CCND2: variants seen among roughly 807,000 people sequenced by gnomAD.
The protein encoded by CCND2 is G1/S-specific cyclin-D2.
A neutral mutation model predicts 30.2 loss-of-function variants in CCND2; 6 were observed. The observed-to-expected ratio is 0.20, with a 90% CI of 0.11 to 0.39. The LOEUF (loss-of-function observed/expected upper bound fraction) is 0.39. CCND2 is among the 10% of genes least tolerant of loss of function. The pLI is 1.00. For synonymous variants in CCND2, 150 were observed against 153.1 expected (o/e 0.98, Z 0.15); for missense variants, 235 against 373.4 (o/e 0.63, Z 3.06).
In CCND2 at chr12:4,299,086, G is replaced by T. The variant is rs375789044; in HGVS notation, c.721-774G>T. Among the ~76,000 whole-genome samples, 26 of 152,306 alleles carry T rather than the reference G, an allele frequency of 1.7e-4. No homozygotes were observed. The highest frequency in any genetic ancestry group is 6.0e-4 in the African/African-American group (25 of 41,544). Reference sequence around the variant, plus strand: ...TTTTTTTTTAAGTATTTACAGTGAGGCGCGGTGGCTCATGCCTGTAATCCC... The same window carrying T: ...TTTTTTTTTAAGTATTTACAGTGAGTCGCGGTGGCTCATGCCTGTAATCCC... On this transcript the variant is annotated intron_variant, in intron 4 of 4. Coordinates refer to ENST00000261254, the MANE Select transcript of CCND2 (RefSeq NM_001759.4). This position sits in a 1 kb window ranked among gnomAD's most constrained non-coding sequence, Gnocchi z 5.2.
At chr12:4,280,566 G>A (rs941618718) in intron 3 of CCND2, among the ~76,000 whole-genome samples, 1 of 152,084 alleles carries the variant, frequency 6.6e-6, no homozygotes, top group Non-Finnish European at 1.5e-5. Context: ...TTGGATAGTG[G>A]TCACTCTGGC....
chr12:4,294,198 C>G (rs1864136127), intron 4 of CCND2, among the ~76,000 whole-genome samples: 1 of 151,282 alleles, frequency 6.6e-6, no homozygotes, highest in Admixed American at 6.6e-5. Context: ...AGCCAGCAAG[C>G]AGAGGAAGTC....
intron 2 of CCND2, among the ~76,000 whole-genome samples, chr12:4,277,463 C>T (rs1291535262): frequency 6.6e-6 from 1 of 152,184 alleles, no homozygotes; most frequent in South Asian, 2.1e-4. Context: ...AATTGGGAAC[C>T]AATTTGTTTT....
At chr12:4,288,643 T>C (rs1316879521) in intron 3 of CCND2, among the ~76,000 whole-genome samples, 199 bp from the exon 4 acceptor site, 2 of 152,186 alleles carry the variant, frequency 1.3e-5, no homozygotes, top group African/African-American at 4.8e-5. Flanking sequence ...TCTCCTTCGT[T>C]TAATCTGGAA....
chr12:4,289,198 C>G, intron 4 of CCND2: 1 of 150,694 alleles, frequency 6.6e-6, no homozygotes, highest in South Asian at 1.6e-4. Flanking sequence ...GAAAACTCAG[C>G]AAGCAGATGA....
At chr12:4,290,273 G>T (rs1248696556) in intron 4 of CCND2, among the ~76,000 whole-genome samples, 1 of 152,168 alleles carries the variant, frequency 6.6e-6, no homozygotes, top group African/African-American at 2.4e-5. Flanking sequence ...AGCAAATCCG[G>T]GGTCCTCCTC....
chr12:4,285,142 C>T lies in CCND2; in HGVS notation c.572-3700C>T, dbSNP rs963879685. 7 of 207,538 alleles carry T rather than the reference C, an allele frequency of 3.4e-5. No homozygotes were observed. The highest frequency in any genetic ancestry group is 1.6e-4 in the African/African-American group (7 of 42,444). 12.9% of individuals were successfully genotyped at this position (207,538 alleles called of 1,614,324 possible). On this transcript the variant is annotated intron_variant, in intron 3 of 4. Coordinates refer to ENST00000261254, the MANE Select transcript of CCND2 (RefSeq NM_001759.4). The surrounding 1 kb of genome is among the most constrained non-coding windows in gnomAD (Gnocchi z 4.1). Reference sequence around the variant, plus strand: ...CTCTACTATCTAATGCATTGATGCCCAGCCTTAAGAAGTCTGAATATTGTA... The same window carrying T: ...CTCTACTATCTAATGCATTGATGCCTAGCCTTAAGAAGTCTGAATATTGTA...
Position 4,293,710 on chromosome 12 carries a change from CAT to C in CCND2, c.720+4721_720+4722del, listed in dbSNP as rs1397504150. On this transcript the variant is annotated intron_variant, in intron 4 of 4. Transcript: ENST00000261254. This position sits in a 1 kb window ranked among gnomAD's most constrained non-coding sequence, Gnocchi z 4.9. ...GTGGAAGAAGTCTCAGTTTCGACCACATGTGTGTGATTCATGGGGTTTAGCAT... is the reference window on the plus strand; with the variant it reads ...GTGGAAGAAGTCTCAGTTTCGACCACGTGTGTGATTCATGGGGTTTAGCAT... Among the ~76,000 whole-genome samples the C allele has an allele frequency of 2.6e-5, 4 of 152,188 alleles. No homozygotes were observed. Among genetic ancestry groups the C allele is most frequent in the African/African-American group, 4.8e-5 (2 of 41,436 alleles).
chr12:4,274,591 C>T lies in CCND2; in HGVS notation c.195+356C>T, dbSNP rs1863837597. ...CTTGCGCTGCGGCCAGGAAGAGAGT[C>T]GGGGCCTGAAATCGGGACCCCGAGT... On this transcript the variant is annotated intron_variant, in intron 1 of 4. Transcript: ENST00000261254. The surrounding 1 kb of genome is among the most constrained non-coding windows in gnomAD (Gnocchi z 7.7). 1.3e-5 allele frequency among the ~76,000 whole-genome samples: 2 copies of T among 152,052 alleles called. No individual in the cohort carries two copies. The highest frequency in any genetic ancestry group is 2.9e-5 in the Non-Finnish European group (2 of 68,004).
At chr12:4,277,037 C>T (rs1863884029) in intron 2 of CCND2, among the ~76,000 whole-genome samples, 1 of 152,230 alleles carries the variant, frequency 6.6e-6, no homozygotes, top group African/African-American at 2.4e-5. Flanking sequence ...TGGTAGGGCC[C>T]GCACAAAGTC....
rs1023286266 is a variant in CCND2, at chr12:4,304,887, A to AT, written c.*4884dup. ...CCCCAGCAAATCATCGGGCCATTGG[A>AT]TTTTTTCCATTATGTTCATCACCCT... On this transcript the variant is annotated 3_prime_UTR_variant, in exon 5 of 5. Coordinates refer to ENST00000261254, the MANE Select transcript of CCND2 (RefSeq NM_001759.4). The surrounding 1 kb of genome is among the most constrained non-coding windows in gnomAD (Gnocchi z 6.2). 2.6e-5 allele frequency: 6 copies of AT among 232,496 alleles called. No individual in the cohort carries two copies. Among genetic ancestry groups the AT allele is most frequent in the Non-Finnish European group, 3.4e-5 (4 of 117,894 alleles). 14.4% of individuals were successfully genotyped at this position (232,496 alleles called of 1,614,324 possible).
chr12:4,273,843 G>C lies in CCND2; in HGVS notation c.-198G>C. 1.6e-6 allele frequency: 1 copy of C among 613,134 alleles called. No individual in the cohort carries two copies. The highest frequency in any genetic ancestry group is 2.8e-5 in the East Asian group (1 of 35,808). 38.0% of individuals were successfully genotyped at this position (613,134 alleles called of 1,614,324 possible). ...GCGAGTGAGGCAGCCCCGAGGCTCT[G>C]CTCGCCCACCACCCAATCCTCGCCT... is the stretch of plus-strand genomic sequence containing the variant. On this transcript the variant is annotated 5_prime_UTR_variant, in exon 1 of 5. Transcript: ENST00000261254. The surrounding 1 kb of genome is among the most constrained non-coding windows in gnomAD (Gnocchi z 5.9).
Position 4,274,626 on chromosome 12 carries a change from A to AC in CCND2, c.195+399dup, listed in dbSNP as rs932730233. Among the ~76,000 whole-genome samples the AC allele has an allele frequency of 4.5e-4, 67 of 150,310 alleles. No individual in the cohort carries two copies. The highest frequency in any genetic ancestry group is 1.2e-3 in the East Asian group (6 of 5,066). ...AATCGGGACCCCGAGTAGAAAGGCA[A>AC]CCCCCCCCAAAAGGCCAGAGCAAAT... On this transcript the variant is annotated intron_variant, in intron 1 of 4. Transcript: ENST00000261254. This position sits in a 1 kb window ranked among gnomAD's most constrained non-coding sequence, Gnocchi z 7.7.
At chr12:4,289,144 C>T in intron 4 of CCND2, 154 bp downstream of exon 4, 1 of 573,156 alleles carries the variant, frequency 1.7e-6, no homozygotes, top group Non-Finnish European at 2.8e-6. Flanking sequence ...CAGGTGACAC[C>T]CCCTCTTAAG....
Position 4,300,511 on chromosome 12 carries a change from A to G in CCND2, c.*502A>G, listed in dbSNP as rs1175366999. 4.2e-6 allele frequency: 1 copy of G among 235,388 alleles called. No individual in the cohort carries two copies. The highest frequency in any genetic ancestry group is 2.2e-5 in the African/African-American group (1 of 45,360). 14.6% of individuals were successfully genotyped at this position (235,388 alleles called of 1,614,324 possible). A position where few individuals can be genotyped will look rare whatever the true frequency, so the allele number is the denominator to read the frequency against. On this transcript the variant is annotated 3_prime_UTR_variant, in exon 5 of 5. Coordinates refer to ENST00000261254, the MANE Select transcript of CCND2 (RefSeq NM_001759.4). ...CATGATGGGGAAGGAGTACAAAACA[A>G]TCTCTCAACATGATTGAACCATTTG...
rs545736219 is a variant in CCND2 at position 4,291,768 on chromosome 12, C to T, written c.720+2778C>T. ...GGGCACGCAATGGAATATTATTCAA[C>T]CTTAAAAAGAAATGAAATTCCGATC... On this transcript the variant is annotated intron_variant, in intron 4 of 4. Transcript: ENST00000261254. Among the ~76,000 whole-genome samples the T allele has an allele frequency of 3.9e-5, 6 of 152,152 alleles. No homozygotes were observed. In the South Asian group the frequency reaches 6.2e-4, roughly 16 times the overall value.
chr12:4,277,248 G>C (rs1406095834), intron 2 of CCND2, among the ~76,000 whole-genome samples: 1 of 152,194 alleles, frequency 6.6e-6, no homozygotes, highest in African/African-American at 2.4e-5. Context: ...GCCTAGAAAG[G>C]TGCTTTCTTC....
At chr12:4,298,669 A>G (rs754173033) in intron 4 of CCND2, among the ~76,000 whole-genome samples, 1 of 152,256 alleles carries the variant, frequency 6.6e-6, no homozygotes, top group Non-Finnish European at 1.5e-5. Context: ...CTATGAAAAG[A>G]CACAGGGAGG....
chr12:4,276,175 G>C lies in CCND2; in HGVS notation c.366G>C (p.Lys122Asn). Residue 122 changes from lysine to asparagine, a missense_variant, in exon 2 of 5, where the codon AAG (lysine) becomes AAC (asparagine). Coordinates refer to ENST00000261254, the MANE Select transcript of CCND2 (RefSeq NM_001759.4). The surrounding 1 kb of genome is among the most constrained non-coding windows in gnomAD (Gnocchi z 4.8). ...AGACCAGCCCGCTGACCGCGGAGAA[G>C]CTGTGCATTTACACCGACAACTCCA... ...LKETSPLTAE[K>N]LCIYTDNSIK... 1.2e-6 allele frequency: 2 copies of C among 1,614,234 alleles called. No homozygotes were observed. Among genetic ancestry groups the C allele is most frequent in the East Asian group, 2.2e-5 (1 of 44,894 alleles).
Sources: gnomAD v4.1 joint callset for allele counts (sites outside exome capture counted in the v4.1 genomes callset) on GRCh38, gnomAD v4.1.1 for gene constraint, Gnocchi (gnomAD v3.1) non-coding constraint, MANE v1.5 for transcripts, NCBI Gene and HGNC (gene_info 2026-07-23, HGNC 2026-07-21) for gene names.